NALF1: variants seen among roughly 807,000 people sequenced by gnomAD.
NALF1 encodes the protein family with sequence similarity 155 member A.
NALF1 carries 3 observed loss-of-function variants against 48.4 expected under a neutral mutation model. That is an observed-to-expected ratio of 0.06 (90% CI 0.03 to 0.16). The LOEUF (loss-of-function observed/expected upper bound fraction) is 0.16, where lower values mean the gene tolerates loss of function less well. NALF1 is among the 10% of genes least tolerant of loss of function. The probability of loss-of-function intolerance (pLI) is 1.00; values close to 1 mark genes in which losing one functional copy is unlikely to be tolerated. For missense variants in NALF1, 526 were observed against 571.5 expected (o/e 0.92, Z 0.81); for synonymous variants, 262 against 245.7 (o/e 1.07, Z -0.62).
intron 1 of NALF1, among the ~76,000 whole-genome samples, chr13:107,739,707 G>T (rs1051030550): frequency 1.3e-5 from 2 of 152,130 alleles, no homozygotes; most frequent in Non-Finnish European, 2.9e-5. Flanking sequence ...TTAGGAACGG[G>T]GCCACACAGC....
chr13:107,851,774 G>A (rs1017936053), intron 1 of NALF1, among the ~76,000 whole-genome samples: 1 of 142,752 alleles, frequency 7.0e-6, no homozygotes, highest in African/African-American at 2.6e-5. Context: ...AGAGCACAAT[G>A]CTTTTGGATT....
chr13:107,784,189 A>G (rs1383596629), intron 1 of NALF1, among the ~76,000 whole-genome samples: 1 of 152,224 alleles, frequency 6.6e-6, no homozygotes, highest in East Asian at 1.9e-4. Context: ...AGACACGCAA[A>G]GAGTAGCGAA....
At position 107,711,147 on chromosome 13, in the gene NALF1, T is replaced by C. The variant is rs949859289; in HGVS notation, c.915+154535A>G. Among the ~76,000 whole-genome samples the C allele has an allele frequency of 2.8e-4, 42 of 152,188 alleles. 1 individual carries two copies. The highest frequency in any genetic ancestry group is 5.4e-4 in the Non-Finnish European group (37 of 68,048). Reference sequence around the variant, plus strand: ...AGATCTATTTCAGAATTACTCTTTATGTACCTCATCTCCTCACTACCTTGT... The same window carrying C: ...AGATCTATTTCAGAATTACTCTTTACGTACCTCATCTCCTCACTACCTTGT... On this transcript the variant is annotated intron_variant, in intron 1 of 2. Transcript: ENST00000375915.
intron 1 of NALF1, among the ~76,000 whole-genome samples, chr13:107,562,053 T>C: frequency 6.6e-6 from 1 of 152,232 alleles, no homozygotes; most frequent in Non-Finnish European, 1.5e-5. Flanking sequence ...ATAACAATGG[T>C]TGCCTAGTAG....
chr13:107,712,072 CACACTAAAAAAAAA>C (rs1453434278), intron 1 of NALF1, among the ~76,000 whole-genome samples: 2 of 151,578 alleles, frequency 1.3e-5, no homozygotes, highest in Non-Finnish European at 2.9e-5. Context: ...CAAATCCTTC[CACACTAAAAAAAAA>C]AACCTTTGAA....
intron 1 of NALF1, among the ~76,000 whole-genome samples, chr13:107,666,573 C>G (rs1240066343): frequency 6.6e-6 from 1 of 152,098 alleles, no homozygotes. Flanking sequence ...GTAAGCTGAA[C>G]CTATTGAGAT....
chr13:107,451,806 T>C (rs1049288169), intron 1 of NALF1, among the ~76,000 whole-genome samples: 5 of 152,226 alleles, frequency 3.3e-5, no homozygotes, highest in African/African-American at 1.2e-4. Flanking sequence ...TCTCTGATAC[T>C]TCTGCTCTAC....
At chr13:107,784,590 A>G (rs192447938) in intron 1 of NALF1, among the ~76,000 whole-genome samples, 2 of 152,348 alleles carry the variant, frequency 1.3e-5, no homozygotes, top group East Asian at 3.9e-4. Flanking sequence ...TGGGCTAAGG[A>G]CATGAATAGA....
At chr13:107,605,959 A>G in intron 1 of NALF1, among the ~76,000 whole-genome samples, 1 of 152,220 alleles carries the variant, frequency 6.6e-6, no homozygotes, top group South Asian at 2.1e-4. Flanking sequence ...TTATCCATCA[A>G]GGGATGCAAA....
chr13:107,420,766 T>A (rs1884171990), intron 1 of NALF1, among the ~76,000 whole-genome samples: 1 of 152,350 alleles, frequency 6.6e-6, no homozygotes, highest in Admixed American at 6.5e-5. Flanking sequence ...CCATAGATTA[T>A]GTAATGGTCA....
At chr13:107,574,362 A>G (rs1210435697) in intron 1 of NALF1, among the ~76,000 whole-genome samples, 1 of 152,154 alleles carries the variant, frequency 6.6e-6, no homozygotes, top group Non-Finnish European at 1.5e-5. Flanking sequence ...TTTATGATTA[A>G]TTGTTCACTT....
At chr13:107,604,391 T>C (rs903309487) in intron 1 of NALF1, among the ~76,000 whole-genome samples, 12 of 152,196 alleles carry the variant, frequency 7.9e-5, no homozygotes, top group African/African-American at 2.7e-4. Flanking sequence ...ATTTTCTCAT[T>C]TGTATAATTA....
At chr13:107,453,742 C>A (rs1884780695) in intron 1 of NALF1, among the ~76,000 whole-genome samples, 1 of 152,220 alleles carries the variant, frequency 6.6e-6, no homozygotes, top group Non-Finnish European at 1.5e-5. Context: ...CATCAGGCTG[C>A]AAATTTACCA....
At chr13:107,735,609 G>A (rs369234134) in intron 1 of NALF1, among the ~76,000 whole-genome samples, 3 of 152,180 alleles carry the variant, frequency 2.0e-5, no homozygotes, top group South Asian at 2.1e-4. Flanking sequence ...ATATCCGTAC[G>A]AATTCAAAAC....
At chr13:107,752,119 T>C (rs1410098630) in intron 1 of NALF1, among the ~76,000 whole-genome samples, 1 of 152,064 alleles carries the variant, frequency 6.6e-6, no homozygotes, top group African/African-American at 2.4e-5. Flanking sequence ...AGTAACATAT[T>C]GGCATGTCAG....
intron 1 of NALF1, among the ~76,000 whole-genome samples, chr13:107,403,210 T>TA (rs1883841406): frequency 7.0e-6 from 1 of 143,256 alleles, no homozygotes; most frequent in African/African-American, 2.6e-5. Context: ...TTTTTTTTTT[T>TA]TTTTTTTTAT....
At chr13:107,750,073 C>T (rs1876892982) in intron 1 of NALF1, among the ~76,000 whole-genome samples, 1 of 152,146 alleles carries the variant, frequency 6.6e-6, no homozygotes, top group Non-Finnish European at 1.5e-5. Flanking sequence ...CCGCCTCAGC[C>T]TCCCAAAGTG....
chr13:107,236,472 C>T (rs1251340126), intron 1 of NALF1, among the ~76,000 whole-genome samples: 1 of 152,100 alleles, frequency 6.6e-6, no homozygotes, highest in Non-Finnish European at 1.5e-5. Context: ...CCAGAGACAG[C>T]AGATCTCTAG....
chr13:107,301,578 G>A (rs1323209551), intron 1 of NALF1, among the ~76,000 whole-genome samples: 1 of 151,960 alleles, frequency 6.6e-6, no homozygotes, highest in Non-Finnish European at 1.5e-5. Flanking sequence ...TTCCTCATCT[G>A]AAAATGAGAA....
Sources: allele counts gnomAD v4.1 joint callset (sites outside exome capture counted in the v4.1 genomes callset), GRCh38; gene constraint gnomAD v4.1.1; transcripts MANE v1.5; gene names NCBI Gene and HGNC (gene_info 2026-07-23, HGNC 2026-07-21).